The following DUSP16 variants were observed in gnomAD, a reference collection of about 807,000 sequenced individuals.
The protein encoded by DUSP16 is dual specificity phosphatase 16.
A neutral mutation model predicts 58.3 loss-of-function variants in DUSP16; 21 were observed. The observed-to-expected ratio is 0.36, with a 90% CI of 0.26 to 0.52. The LOEUF (loss-of-function observed/expected upper bound fraction) is 0.52, where lower values mean the gene tolerates loss of function less well. Among genes scored for constraint, DUSP16 ranks in the 20% least tolerant of loss-of-function variants. The pLI is 0.94. For synonymous variants in DUSP16, 320 were observed against 323.8 expected, an observed-to-expected ratio of 0.99 and a Z score of 0.12; for missense variants, 726 against 819.0, an observed-to-expected ratio of 0.89 and a Z score of 1.39.
intron 3 of DUSP16, among the ~76,000 whole-genome samples, chr12:12,519,485 G>A (rs1454701867): frequency 6.6e-6 from 1 of 152,124 alleles, no homozygotes; most frequent in Non-Finnish European, 1.5e-5. Context: ...TATTGGTCTG[G>A]TTCTTGCCAC....
At chr12:12,523,771 T>C (rs1944266754) in intron 1 of DUSP16, among the ~76,000 whole-genome samples, 2 of 152,252 alleles carry the variant, frequency 1.3e-5, no homozygotes, top group Non-Finnish European at 2.9e-5. Flanking sequence ...TGTAAGGTCC[T>C]GTATTCAGAT....
chr12:12,486,860 C>T (rs746882535), intron 5 of DUSP16, among the ~76,000 whole-genome samples, 168 bp downstream of exon 5: 21 of 152,188 alleles, frequency 1.4e-4, no homozygotes, highest in Admixed American at 1.2e-3. Flanking sequence ...GTGACACACA[C>T]GTCACCTTGA....
At chr12:12,539,751 TAAAAAA>T (rs71061077) in intron 1 of DUSP16, among the ~76,000 whole-genome samples, 20 of 139,490 alleles carry the variant, frequency 1.4e-4, no homozygotes, top group Admixed American at 1.4e-4. Context: ...AGCAGTTATT[TAAAAAA>T]AAAAAAAAAA....
At position 12,480,484 on chromosome 12, in the gene DUSP16, C is replaced by T. The variant is rs573688182; in HGVS notation, c.692-138G>A. On this transcript the variant is annotated intron_variant, in intron 5 of 6. Coordinates refer to ENST00000298573, the MANE Select transcript of DUSP16 (RefSeq NM_030640.3). ...CATCTGTGTATATCATATTTATCCT[C>T]GCAATATTCTTTTGAGGAGGCAGGG... 1.6e-4 allele frequency: 164 copies of T among 1,003,854 alleles called. No homozygotes were observed. In the Middle Eastern group the frequency reaches 7.1e-3, roughly 44 times the overall value. The allele number at this position is 1,003,854 out of a possible 1,614,324, so 62.2% of individuals were successfully genotyped here.
intron 1 of DUSP16, among the ~76,000 whole-genome samples, chr12:12,548,630 CAAAAAA>C (rs898316799): frequency 1.6e-5 from 1 of 63,386 alleles, no homozygotes; most frequent in African/African-American, 6.3e-5. Context: ...GACTCTGTCT[CAAAAAA>C]AAAAAAAAAA....
intron 1 of DUSP16, among the ~76,000 whole-genome samples, chr12:12,547,531 TAAAAAAAA>T (rs761142479): frequency 1.4e-4 from 9 of 66,656 alleles, no homozygotes; most frequent in Admixed American, 4.4e-4. Flanking sequence ...TGAGTAGGCT[TAAAAAAAA>T]AAAAAAAAAA....
chr12:12,501,000 A>G (rs1327696064), intron 3 of DUSP16, among the ~76,000 whole-genome samples: 1 of 152,202 alleles, frequency 6.6e-6, no homozygotes, highest in African/African-American at 2.4e-5. Flanking sequence ...TTTTTGTAAA[A>G]CATAAAGAGG....
intron 4 of DUSP16, among the ~76,000 whole-genome samples, chr12:12,487,614 G>A (rs1943704385): frequency 6.6e-6 from 1 of 152,052 alleles, no homozygotes; most frequent in Non-Finnish European, 1.5e-5. Flanking sequence ...CTCTTTGAAG[G>A]CTGCACTTAC....
intron 3 of DUSP16, among the ~76,000 whole-genome samples, chr12:12,513,359 A>C (rs1944105076): frequency 6.6e-6 from 1 of 152,222 alleles, no homozygotes; most frequent in African/African-American, 2.4e-5. Context: ...AGTATGAAGA[A>C]TATGACTGAA....
intron 6 of DUSP16, 108 bp from the exon 7 acceptor site, chr12:12,478,123 T>A (rs1943493919): frequency 9.6e-7 from 1 of 1,037,178 alleles, no homozygotes; most frequent in Non-Finnish European, 1.4e-6. Context: ...CCTCAAAAAC[T>A]TTGGAAGATG....
At chr12:12,557,625 A>G (rs1326342778) in intron 1 of DUSP16, among the ~76,000 whole-genome samples, 1 of 152,216 alleles carries the variant, frequency 6.6e-6, no homozygotes, top group African/African-American at 2.4e-5. Context: ...TAACATGAAG[A>G]CTGTTCATTA....
At chr12:12,486,963 G>A (rs2136197395) in intron 5 of DUSP16, 65 bp downstream of exon 5, 2 of 1,577,778 alleles carry the variant, frequency 1.3e-6, no homozygotes, top group East Asian at 4.5e-5. Flanking sequence ...ATGGGGGGCT[G>A]AGGGGGTTCA....
At position 12,500,521 on chromosome 12, in the gene DUSP16, T is replaced by C. The variant is rs1446274507; in HGVS notation, c.529A>G (p.Lys177Glu). The change falls in exon 4 of 7, where the codon AAG becomes GAG. Residue 177 changes from lysine to glutamate, a missense_variant and splice_region_variant. Lys to Glu is a moderately conservative substitution (Grantham distance 56). Coordinates refer to ENST00000298573, the MANE Select transcript of DUSP16 (RefSeq NM_030640.3). Reference sequence around the variant, plus strand: ...AAGGATATTTTCAAAGCACCCACCTTGTTGAGGACATCTCGCTGGCAGCCA... The same window carrying C: ...AAGGATATTTTCAAAGCACCCACCTCGTTGAGGACATCTCGCTGGCAGCCA... ...YLGCQRDVLN[K>E]ELMQQNGIGY... is the part of the protein sequence containing the mutation. 1.2e-6 allele frequency: 2 copies of C among 1,603,998 alleles called. No individual in the cohort carries two copies. Among genetic ancestry groups the C allele is most frequent in the Non-Finnish European group, 8.5e-7 (1 of 1,176,506 alleles).
At chr12:12,500,863 A>G (rs572242111) in intron 3 of DUSP16, among the ~76,000 whole-genome samples, 181 bp from the exon 4 acceptor site, 1 of 152,368 alleles carries the variant, frequency 6.6e-6, no homozygotes, top group South Asian at 2.1e-4. Flanking sequence ...GGCCTGGCCT[A>G]TAACGCTACC....
Position 12,475,424 on chromosome 12 carries a change from G to C in DUSP16, c.*1409C>G, listed in dbSNP as rs776519906. 1.3e-5 allele frequency: 2 copies of C among 152,194 alleles called. No individual in the cohort carries two copies. Among genetic ancestry groups the C allele is most frequent in the East Asian group, 1.9e-4 (1 of 5,198 alleles). 9.4% of individuals were successfully genotyped at this position (152,194 alleles called of 1,614,324 possible). On this transcript the variant is annotated 3_prime_UTR_variant, in exon 7 of 7. Transcript: ENST00000298573. ...GGTTGAGGACTGAGGACGCCCCTTT[G>C]CTCTCGCTCCATTTTGATTTGCTTT...
At chr12:12,527,631 TA>T (rs1944324757) in intron 1 of DUSP16, among the ~76,000 whole-genome samples, 1 of 152,206 alleles carries the variant, frequency 6.6e-6, no homozygotes, top group Non-Finnish European at 1.5e-5. Context: ...CTTTTATTTA[TA>T]AAAGTATAAA....
At position 12,480,366 on chromosome 12, in the gene DUSP16, G is replaced by A; in HGVS notation, c.692-20C>T. 1.2e-6 allele frequency: 2 copies of A among 1,609,876 alleles called. No homozygotes were observed. The highest frequency in any genetic ancestry group is 1.7e-6 in the Non-Finnish European group (2 of 1,178,098). On this transcript the variant is annotated intron_variant, in intron 5 of 6. Coordinates refer to ENST00000298573, the MANE Select transcript of DUSP16 (RefSeq NM_030640.3). ...CTTTCTCTGTATAAGTCAAATGCAA[G>A]AAAGGTCACTACTAACTATTTTGTT... is the stretch of plus-strand genomic sequence containing the variant.
chr12:12,508,744 A>G (rs993392227), intron 3 of DUSP16, among the ~76,000 whole-genome samples: 1 of 152,158 alleles, frequency 6.6e-6, no homozygotes, highest in African/African-American at 2.4e-5. Flanking sequence ...AAACAACCCT[A>G]TCACGTGACA....
intron 3 of DUSP16, among the ~76,000 whole-genome samples, chr12:12,506,573 G>C (rs1944000330): frequency 6.6e-6 from 1 of 152,160 alleles, no homozygotes; most frequent in Non-Finnish European, 1.5e-5. Flanking sequence ...TTATCATCTG[G>C]GAATGCAGAA....
Sources: allele counts gnomAD v4.1 joint callset (sites outside exome capture counted in the v4.1 genomes callset), GRCh38; gene constraint gnomAD v4.1.1; transcripts MANE v1.5; gene names NCBI Gene and HGNC (gene_info 2026-07-23, HGNC 2026-07-21).